The following NRG1 variants were observed in gnomAD, a reference collection of about 807,000 sequenced individuals.
NRG1 encodes the protein pro-neuregulin-1, membrane-bound isoform.
A neutral mutation model predicts 63.8 loss-of-function variants in NRG1; 18 were observed. The observed-to-expected ratio is 0.28, with a 90% CI of 0.19 to 0.42. NRG1 has a LOEUF of 0.42. Among genes scored for constraint, NRG1 ranks in the 10% least tolerant of loss-of-function variants. NRG1 has a pLI of 1.00. For missense variants in NRG1, 762 were observed against 814.7 expected (o/e 0.94, Z 0.79); for synonymous variants, 302 against 301.3 (o/e 1.00, Z -0.02).
At chr8:32,503,834 G>C (rs1444263260) in intron 1 of NRG1, among the ~76,000 whole-genome samples, 1 of 152,104 alleles carries the variant, frequency 6.6e-6, no homozygotes, top group Admixed American at 6.5e-5. Context: ...GGCCAAGCAG[G>C]CGACTTGAGA....
At chr8:32,567,528 C>G (rs1837684486) in intron 1 of NRG1, among the ~76,000 whole-genome samples, 1 of 152,192 alleles carries the variant, frequency 6.6e-6, no homozygotes, top group South Asian at 2.1e-4. Context: ...ATAGCCAAGG[C>G]AGGGAGAGTG....
At chr8:32,554,841 A>G (rs2439312) in intron 1 of NRG1, among the ~76,000 whole-genome samples, 119,162 of 151,834 alleles carry the variant, frequency 0.78, 46,935 homozygotes, top group Admixed American at 0.87. Flanking sequence ...CCTATGCCCC[A>G]TGTCACCTTT....
chr8:32,371,906 C>G (rs962884626), intron 1 of NRG1, among the ~76,000 whole-genome samples: 5 of 151,690 alleles, frequency 3.3e-5, no homozygotes, highest in African/African-American at 1.2e-4. Flanking sequence ...CTGATGGTCT[C>G]TGTTACTTGT....
At chr8:32,401,966 A>G (rs1167978073) in intron 1 of NRG1, among the ~76,000 whole-genome samples, 1 of 152,164 alleles carries the variant, frequency 6.6e-6, no homozygotes, top group East Asian at 1.9e-4. Context: ...GCTGGAGTGC[A>G]GTGGCGCGAT....
intron 5 of NRG1, among the ~76,000 whole-genome samples, chr8:32,658,978 A>T (rs1207108441): frequency 6.6e-6 from 1 of 152,126 alleles, no homozygotes; most frequent in Admixed American, 6.6e-5. Flanking sequence ...CAAGGATGAG[A>T]GGTGAATGAC....
intron 1 of NRG1, among the ~76,000 whole-genome samples, chr8:31,654,911 A>T (rs978355151): frequency 6.6e-6 from 1 of 152,212 alleles, no homozygotes; most frequent in Non-Finnish European, 1.5e-5. Flanking sequence ...ACTGCACTCT[A>T]GCCTGGGTAA....
At chr8:32,731,789 C>G (rs562178004) in intron 6 of NRG1, among the ~76,000 whole-genome samples, 1 of 152,292 alleles carries the variant, frequency 6.6e-6, no homozygotes, top group South Asian at 2.1e-4. Flanking sequence ...TGCATTGGCT[C>G]ATCATGGTCC....
intron 1 of NRG1, among the ~76,000 whole-genome samples, chr8:32,202,169 C>A (rs1843561584): frequency 6.6e-6 from 1 of 152,120 alleles, no homozygotes; most frequent in African/African-American, 2.4e-5. Flanking sequence ...GTAAAAGAAT[C>A]TTTGCCTGTC....
intron 1 of NRG1, among the ~76,000 whole-genome samples, chr8:32,266,470 A>G (rs776111302): frequency 1.3e-5 from 2 of 152,198 alleles, no homozygotes; most frequent in Non-Finnish European, 2.9e-5. Flanking sequence ...CCAAACTGTC[A>G]TGGATTTTCT....
At chr8:32,712,450 C>G (rs929896178) in intron 5 of NRG1, among the ~76,000 whole-genome samples, 1 of 152,044 alleles carries the variant, frequency 6.6e-6, no homozygotes, top group Non-Finnish European at 1.5e-5. Context: ...AGTATGTCTC[C>G]TATTTGGCAG....
At chr8:32,267,141 G>A (rs1200787338) in intron 1 of NRG1, among the ~76,000 whole-genome samples, 2 of 149,574 alleles carry the variant, frequency 1.3e-5, no homozygotes, top group Non-Finnish European at 3.0e-5. Context: ...GAGAAAGAAG[G>A]AAGGAAGGAG....
chr8:32,009,157 G>A (rs992242220), intron 1 of NRG1, among the ~76,000 whole-genome samples: 1 of 152,026 alleles, frequency 6.6e-6, no homozygotes, highest in Non-Finnish European at 1.5e-5. Context: ...AGAAATTTGT[G>A]TTGTATAATA....
chr8:32,045,160 G>A (rs972753962), intron 1 of NRG1, among the ~76,000 whole-genome samples: 1 of 151,644 alleles, frequency 6.6e-6, no homozygotes, highest in Admixed American at 6.6e-5. Flanking sequence ...AGCATAAGAA[G>A]GTTATGTGTT....
intron 1 of NRG1, among the ~76,000 whole-genome samples, chr8:31,969,009 C>T (rs1336537165): frequency 3.3e-5 from 5 of 152,190 alleles, no homozygotes; most frequent in African/African-American, 4.8e-5. Flanking sequence ...GCGCTCTCTC[C>T]GCTTCGTTTT....
At chr8:32,681,021 T>C (rs1189047226) in intron 5 of NRG1, among the ~76,000 whole-genome samples, 1 of 152,190 alleles carries the variant, frequency 6.6e-6, no homozygotes, top group Non-Finnish European at 1.5e-5. Context: ...AAATCAGATC[T>C]GTCTGATTGC....
chr8:32,368,348 T>TAA, intron 1 of NRG1, among the ~76,000 whole-genome samples: 1 of 152,260 alleles, frequency 6.6e-6, no homozygotes, highest in Admixed American at 6.5e-5. Context: ...ACAGGAAGAT[T>TAA]GCTTGAGCCC....
chr8:32,616,751 G>A (rs549530767), intron 4 of NRG1, 84 bp from the exon 5 acceptor site: 14 of 1,002,982 alleles, frequency 1.4e-5, no homozygotes, highest in South Asian at 3.8e-5. Flanking sequence ...TTTACTAGGC[G>A]ATACCCAAGC....
rs912584991 is a variant in NRG1 at position 31,712,960 on chromosome 8, G to A, written c.37+73529G>A. Among the ~76,000 whole-genome samples, 43 of 150,838 alleles carry A rather than the reference G, an allele frequency of 2.9e-4. 1 individual carries two copies. The highest frequency in any genetic ancestry group is 6.2e-4 in the Non-Finnish European group (42 of 67,782). On this transcript the variant is annotated intron_variant, in intron 1 of 10. Coordinates refer to the NRG1 transcript ENST00000519301. ...AATCAATCAATCAATCAATCAATCA[G>A]TCATCTCTCTGTCCATCCATCCACC...
Position 31,964,314 on chromosome 8 carries a change from A to G in NRG1, c.37+324883A>G, listed in dbSNP as rs561054116. On this transcript the variant is annotated intron_variant, in intron 1 of 10. Transcript: ENST00000519301. ...TACAAGCAAGTGCTGTCATAGACAG[A>G]TAAATGAAGTGGACATTGTTTTGAG... 1.2e-4 allele frequency among the ~76,000 whole-genome samples: 18 copies of G among 152,348 alleles called. No homozygotes were observed. The South Asian group carries it at 3.7e-3, about 32-fold the overall frequency.
Sources: allele counts gnomAD v4.1 joint callset (sites outside exome capture counted in the v4.1 genomes callset), GRCh38; gene constraint gnomAD v4.1.1; transcripts MANE v1.5; gene names NCBI Gene and HGNC (gene_info 2026-07-23, HGNC 2026-07-21).